Variants in TBCCD1 observed in about 807,000 individuals in gnomAD.
TBCCD1 encodes TBCC domain-containing protein 1.
Under a neutral mutation model 53.4 loss-of-function variants are expected in TBCCD1, and 26 were observed. That is an observed-to-expected ratio of 0.49 (90% CI 0.36 to 0.68). TBCCD1 has a LOEUF of 0.68. Among genes scored for constraint, TBCCD1 ranks in the 30% least tolerant of loss-of-function variants. The probability of loss-of-function intolerance (pLI) is 0.00; values close to 1 mark genes in which losing one functional copy is unlikely to be tolerated. For synonymous variants in TBCCD1, 245 were observed against 241.7 expected (o/e 1.01, Z -0.13); for missense variants, 558 against 669.5 (o/e 0.83, Z 1.84).
At position 186,558,562 on chromosome 3, in the gene TBCCD1, T is replaced by A; in HGVS notation, c.347A>T (p.Asp116Val). ...TAAGAAGAGCAGAAACTGTAGCGTG[T>A]CCACTGAAAGCTGTCCAAGAAGAAA... ...VEKQRNQLSV[D>V]TLQFLLFLYI... The change falls in exon 3 of 8, where the codon GAC (aspartate) becomes GTC (valine). Residue 116 changes from aspartate to valine, a missense_variant. Transcript: ENST00000338733. 1 of 1,613,294 alleles carries A rather than the reference T, an allele frequency of 6.2e-7. No homozygotes were observed. Among genetic ancestry groups the A allele is most frequent in the Non-Finnish European group, 8.5e-7 (1 of 1,179,732 alleles).
At chr3:186,566,721 G>A (rs896538667) in intron 1 of TBCCD1, among the ~76,000 whole-genome samples, 5 of 152,204 alleles carry the variant, frequency 3.3e-5, no homozygotes, top group Non-Finnish European at 7.3e-5. Flanking sequence ...CCAGGTGAAA[G>A]AACCAGGGAG....
chr3:186,557,329 G>C (rs543199095), intron 3 of TBCCD1, among the ~76,000 whole-genome samples: 1 of 152,122 alleles, frequency 6.6e-6, no homozygotes, highest in Non-Finnish European at 1.5e-5. Flanking sequence ...GCCTAAAATC[G>C]TATGACTAAA....
chr3:186,569,149 A>C (rs1714930089), upstream of TBCCD1, among the ~76,000 whole-genome samples: 1 of 152,072 alleles, frequency 6.6e-6, no homozygotes, highest in African/African-American at 2.4e-5. Context: ...AAAAAAAAGA[A>C]AGGAAGCAAG....
intron 7 of TBCCD1, among the ~76,000 whole-genome samples, chr3:186,549,310 T>C (rs138435202): frequency 6.6e-6 from 1 of 151,828 alleles, no homozygotes; most frequent in African/African-American, 2.4e-5. Context: ...ATAAATTAAT[T>C]AATTAATTAA....
chr3:186,558,479 G>A lies in TBCCD1; in HGVS notation c.430C>T (p.Pro144Ser). ...GACTGAGATTTGTTTCTGGGACTGG[G>A]CCACTCTTCGCCAATCAAAGATGTC... is the stretch of plus-strand genomic sequence containing the variant. ...LRTSLIGEEW[P>S]SPRNKSQSPD... Residue 144 changes from proline to serine, a missense_variant, in exon 3 of 8, where the codon CCC (proline) becomes TCC (serine). Transcript: ENST00000338733. 1 of 1,614,156 alleles carries A rather than the reference G, an allele frequency of 6.2e-7. No individual in the cohort carries two copies. The highest frequency in any genetic ancestry group is 8.5e-7 in the Non-Finnish European group (1 of 1,180,018).
intron 2 of TBCCD1, among the ~76,000 whole-genome samples, chr3:186,559,525 C>T (rs972387391): frequency 6.6e-6 from 1 of 152,078 alleles, no homozygotes; most frequent in African/African-American, 2.4e-5. Flanking sequence ...ATCTACCCAC[C>T]CCCATACAGG....
chr3:186,565,063 T>C (rs1346280841), intron 1 of TBCCD1, among the ~76,000 whole-genome samples: 1 of 151,668 alleles, frequency 6.6e-6, no homozygotes, highest in Admixed American at 6.6e-5. Flanking sequence ...ATCCCACAAG[T>C]AAAGGGCAAC....
chr3:186,568,127 C>T (rs1373240830), upstream of TBCCD1, among the ~76,000 whole-genome samples: 1 of 152,122 alleles, frequency 6.6e-6, no homozygotes, highest in Non-Finnish European at 1.5e-5. Context: ...AAAGCAGGGG[C>T]TTCAAATTTA....
chr3:186,554,127 C>T lies in TBCCD1; in HGVS notation c.1544+127G>A, dbSNP rs576001701. On this transcript the variant is annotated intron_variant, in intron 6 of 7. Transcript: ENST00000338733. ...CCTCCCAAAGTGCTGGGATTATAGG[C>T]GTGAGCCACCGCGCCCAGCCTTACA... The T allele has an allele frequency of 4.6e-5, 61 of 1,337,154 alleles. No homozygotes were observed. The South Asian group carries it at 6.5e-4, about 14-fold the overall frequency. 82.8% of individuals were successfully genotyped at this position (1,337,154 alleles called of 1,614,324 possible).
chr3:186,560,945 C>T (rs540035149), intron 2 of TBCCD1, among the ~76,000 whole-genome samples: 5 of 152,304 alleles, frequency 3.3e-5, no homozygotes, highest in African/African-American at 9.6e-5. Context: ...AAATTGGGAC[C>T]ATAGCTTATA....
chr3:186,563,993 C>T lies in TBCCD1; in HGVS notation c.336+1G>A. On this transcript the variant is annotated splice_donor_variant, in intron 2 of 7. Transcript: ENST00000338733. LOFTEE classifies it high-confidence loss of function. ...AAGTATACACACATATCAATCCGTA[C>T]CTGATTTCTCTGCTTTTCAACTTCC... 1 of 1,604,270 alleles carries T rather than the reference C, an allele frequency of 6.2e-7. No homozygotes were observed. Among genetic ancestry groups the T allele is most frequent in the Non-Finnish European group, 8.5e-7 (1 of 1,175,074 alleles).
rs1393381636 is a variant in TBCCD1, at chr3:186,563,503, C to T, written c.336+491G>A. The stretch of plus-strand genomic sequence containing the variant: ...ATGTTCATTTTAAAATAGTCAGGTG[C>T]TCTGACTGTAACATATCAGTTGTTC... On this transcript the variant is annotated intron_variant, in intron 2 of 7. Coordinates refer to ENST00000338733, the MANE Select transcript of TBCCD1 (RefSeq NM_018138.5). 3.3e-5 allele frequency among the ~76,000 whole-genome samples: 5 copies of T among 152,162 alleles called. No individual in the cohort carries two copies. The East Asian group carries it at 5.8e-4, about 18-fold the overall frequency.
At chr3:186,551,024 G>T in intron 7 of TBCCD1, 105 bp downstream of exon 7, 1 of 1,202,366 alleles carries the variant, frequency 8.3e-7, no homozygotes, top group East Asian at 2.5e-5. Flanking sequence ...TGGTAGGAGC[G>T]GTAGAAAAAA....
At chr3:186,569,156 C>A (rs951328509), upstream of TBCCD1, among the ~76,000 whole-genome samples, 7 of 151,902 alleles carry the variant, frequency 4.6e-5, no homozygotes, top group African/African-American at 9.7e-5. Flanking sequence ...AGAAAGGAAG[C>A]AAGTTTTGCT....
chr3:186,556,811 GA>G, intron 3 of TBCCD1, 36 bp from the exon 4 acceptor site: 1 of 1,582,742 alleles, frequency 6.3e-7, no homozygotes, highest in Non-Finnish European at 8.5e-7. Flanking sequence ...TCTTAATAAA[GA>G]GATTCCACAA....
chr3:186,551,105 G>C, intron 7 of TBCCD1, 24 bp downstream of exon 7: 1 of 1,593,438 alleles, frequency 6.3e-7, no homozygotes. Flanking sequence ...AAAAGAATCT[G>C]TTTTAAGTGG....
At chr3:186,568,213 G>A (rs1280111267), upstream of TBCCD1, among the ~76,000 whole-genome samples, 1 of 152,228 alleles carries the variant, frequency 6.6e-6, no homozygotes, top group African/African-American at 2.4e-5. Flanking sequence ...GAGTACCACT[G>A]TGTGTCTGGC....
chr3:186,552,111 G>GGA (rs1350729962), intron 6 of TBCCD1, among the ~76,000 whole-genome samples: 1 of 152,176 alleles, frequency 6.6e-6, no homozygotes, highest in African/African-American at 2.4e-5. Context: ...GAGAAAGAAT[G>GGA]GAGAGAGATG....
upstream of TBCCD1, chr3:186,570,473 T>G (rs1714988266): frequency 4.2e-6 from 2 of 479,016 alleles, no homozygotes; most frequent in Middle Eastern, 5.2e-4. Flanking sequence ...CCCCCTATCA[T>G]TACGTAATTT....
Sources: allele counts gnomAD v4.1 joint callset (sites outside exome capture counted in the v4.1 genomes callset), GRCh38; gene constraint gnomAD v4.1.1; transcripts MANE v1.5; gene names NCBI Gene and HGNC (gene_info 2026-07-23, HGNC 2026-07-21).